Variants in GRAMD1B observed in about 807,000 individuals in gnomAD.
The protein encoded by GRAMD1B is GRAM domain containing 1B.
GRAMD1B carries 37 observed loss-of-function variants against 99.7 expected under a neutral mutation model. The ratio of observed to expected loss-of-function variants is 0.37; its 90% CI spans 0.29 to 0.49. GRAMD1B has a LOEUF of 0.49. Ranked by LOEUF, GRAMD1B falls within the 20% of genes least tolerant of loss-of-function variation. GRAMD1B has a pLI of 0.98. For synonymous variants in GRAMD1B, 427 were observed against 387.6 expected (o/e 1.10, Z -1.19); for missense variants, 888 against 1,009.2 (o/e 0.88, Z 1.63).
intron 1 of GRAMD1B, among the ~76,000 whole-genome samples, chr11:123,418,651 T>C (rs1352195157): frequency 6.6e-6 from 1 of 152,186 alleles, no homozygotes; most frequent in Non-Finnish European, 1.5e-5. Flanking sequence ...TAAGGAATAT[T>C]GTGACCACAG....
chr11:123,614,506 C>T (rs917507487), intron 16 of GRAMD1B, among the ~76,000 whole-genome samples: 1 of 152,166 alleles, frequency 6.6e-6, no homozygotes, highest in African/African-American at 2.4e-5. Context: ...ATCCTAGCTA[C>T]ATGGGCCTGT....
Position 123,606,947 on chromosome 11 carries a change from TTACATCCC to T in GRAMD1B, c.1513+151_1513+158del, listed in dbSNP as rs1412615640. ...TTAACAAAAGGTACCTGTTATTAGT[TTACATCCC>T]TGTTTTCAGTCATTTGCTGTAGGAG... On this transcript the variant is annotated intron_variant, in intron 11 of 19. Transcript: ENST00000635736. 2.3e-5 allele frequency: 14 copies of T among 617,306 alleles called. No individual in the cohort carries two copies. In the African/African-American group the frequency reaches 2.4e-4, roughly 11 times the overall value. The allele number at this position is 617,306 out of a possible 1,614,324, so 38.2% of individuals were successfully genotyped here. A position where few individuals can be genotyped will look rare whatever the true frequency, so the allele number is the denominator to read the frequency against.
rs747625337 is a variant in GRAMD1B at position 123,618,666 on chromosome 11, GT to G, written c.2319-20del. ...GCTCAGGTGACATCTCACTGCTGAT[GT>G]TTTTTTCCCCACGTCTCCTTCCTAG... On this transcript the variant is annotated intron_variant, in intron 17 of 19. Coordinates refer to ENST00000635736, the MANE Select transcript of GRAMD1B (RefSeq NM_001387025.1). 29 of 1,295,698 alleles carry G rather than the reference GT, an allele frequency of 2.2e-5. No individual in the cohort carries two copies. The East Asian group carries it at 4.9e-4, about 22-fold the overall frequency. The allele number at this position is 1,295,698 out of a possible 1,614,324, so 80.3% of individuals were successfully genotyped here. A position where few individuals can be genotyped will look rare whatever the true frequency, so the allele number is the denominator to read the frequency against.
intron 1 of GRAMD1B, among the ~76,000 whole-genome samples, chr11:123,463,111 T>A (rs1950515381): frequency 6.6e-6 from 1 of 152,128 alleles, no homozygotes; most frequent in South Asian, 2.1e-4. Context: ...TAGGTTCAAG[T>A]GATTCTCATG....
rs769555399 is a variant in GRAMD1B, at chr11:123,608,630, T to C, written c.1514-29T>C. ...GCCCCCTCCCCCTCCGCTGTCACTG[T>C]CTACTTCCTGATCCTCTCTTCTGTG... On this transcript the variant is annotated intron_variant, in intron 11 of 19. Transcript: ENST00000635736. 8.9e-6 allele frequency: 14 copies of C among 1,572,004 alleles called. No individual in the cohort carries two copies. In the East Asian group the frequency reaches 3.3e-4, roughly 37 times the overall value.
At chr11:123,360,474 G>A (rs1258491243) in intron 1 of GRAMD1B, among the ~76,000 whole-genome samples, 1 of 152,218 alleles carries the variant, frequency 6.6e-6, no homozygotes, top group Non-Finnish European at 1.5e-5. Flanking sequence ...TCTGCTGGGC[G>A]TCACTGGTGT....
At chr11:123,603,362 G>T in intron 8 of GRAMD1B, 64 bp from the exon 9 acceptor site, 1 of 983,952 alleles carries the variant, frequency 1.0e-6, no homozygotes, top group Non-Finnish European at 1.6e-6. Flanking sequence ...CCGGCTCAGT[G>T]CCTCTGTGCA....
At chr11:123,367,984 G>A (rs930533131) in intron 1 of GRAMD1B, among the ~76,000 whole-genome samples, 2 of 152,134 alleles carry the variant, frequency 1.3e-5, no homozygotes, top group African/African-American at 4.8e-5. Flanking sequence ...GGCCGGGCAC[G>A]GTGGCTCACA....
intron 1 of GRAMD1B, among the ~76,000 whole-genome samples, chr11:123,440,214 C>T (rs904955152): frequency 1.3e-5 from 2 of 152,096 alleles, no homozygotes; most frequent in Non-Finnish European, 2.9e-5. Flanking sequence ...TTTTTTATGC[C>T]ATAAAAGTCA....
chr11:123,395,058 CA>C (rs1168357899), intron 1 of GRAMD1B, among the ~76,000 whole-genome samples: 1 of 152,084 alleles, frequency 6.6e-6, no homozygotes, highest in African/African-American at 2.4e-5. Context: ...TTGGAGGGGC[CA>C]AACATTTGAA....
At chr11:123,362,753 G>T (rs1946186677) in intron 1 of GRAMD1B, among the ~76,000 whole-genome samples, 1 of 152,148 alleles carries the variant, frequency 6.6e-6, no homozygotes, top group African/African-American at 2.4e-5. Context: ...TCTGGGACTT[G>T]GGGAAGGGGT....
At chr11:123,482,054 A>C (rs1951638036) in intron 2 of GRAMD1B, among the ~76,000 whole-genome samples, 1 of 151,816 alleles carries the variant, frequency 6.6e-6, no homozygotes, top group Non-Finnish European at 1.5e-5. Flanking sequence ...AATCAAGGAG[A>C]TATTTTCTTT....
At chr11:123,464,546 AATAGAGTGGG>A (rs754094091) in intron 1 of GRAMD1B, among the ~76,000 whole-genome samples, 96 of 152,274 alleles carry the variant, frequency 6.3e-4, no homozygotes, top group Non-Finnish European at 1.2e-3. Flanking sequence ...GGACCGTTTC[AATAGAGTGGG>A]ATGTCAGTAG....
chr11:123,516,984 A>T (rs1447155213), intron 2 of GRAMD1B, among the ~76,000 whole-genome samples: 1 of 152,192 alleles, frequency 6.6e-6, no homozygotes, highest in Non-Finnish European at 1.5e-5. Flanking sequence ...CAATGGCACG[A>T]TCTTGGCTCA....
At chr11:123,598,387 G>C in intron 7 of GRAMD1B, 1 of 963,974 alleles carries the variant, frequency 1.0e-6, no homozygotes, top group East Asian at 2.4e-5. Context: ...TCTTCCTCTC[G>C]CTCTTCTCCT....
intron 1 of GRAMD1B, among the ~76,000 whole-genome samples, chr11:123,434,476 A>T (rs569731367): frequency 6.6e-6 from 1 of 152,222 alleles, no homozygotes; most frequent in South Asian, 2.1e-4. Flanking sequence ...GTGCTCGTAG[A>T]TACCACCAAG....
intron 1 of GRAMD1B, among the ~76,000 whole-genome samples, chr11:123,476,105 CTTCT>C (rs1389719354): frequency 1.4e-4 from 18 of 132,420 alleles, no homozygotes; most frequent in African/African-American, 5.4e-4. Context: ...ATCCATTTAA[CTTCT>C]TTTTTTTTTT....
chr11:123,454,842 G>T (rs1408099930), intron 1 of GRAMD1B: 1 of 152,222 alleles, frequency 6.6e-6, no homozygotes, highest in Admixed American at 6.5e-5. Context: ...AAGATTTAAA[G>T]ATTGCCTCTG....
At position 123,604,913 on chromosome 11, in the gene GRAMD1B, G is replaced by A. The variant is rs540479216; in HGVS notation, c.1167-409G>A. ...GCAATGCCACTTAAGGAGCGCTCAT[G>A]TCCAGAGTCCTGTCTTCGTCACCGT... On this transcript the variant is annotated intron_variant, in intron 9 of 19. Transcript: ENST00000635736. Among the ~76,000 whole-genome samples, 10 of 152,330 alleles carry A rather than the reference G, an allele frequency of 6.6e-5. No homozygotes were observed. The South Asian group carries it at 1.9e-3, about 28-fold the overall frequency.
Sources: gnomAD v4.1 joint callset for allele counts (sites outside exome capture counted in the v4.1 genomes callset) on GRCh38, gnomAD v4.1.1 for gene constraint, MANE v1.5 for transcripts, NCBI Gene and HGNC (gene_info 2026-07-23, HGNC 2026-07-21) for gene names.